PTPRG: variants seen among roughly 807,000 people sequenced by gnomAD.
PTPRG encodes protein tyrosine phosphatase receptor type G.
A neutral mutation model predicts 165.3 loss-of-function variants in PTPRG; 102 were observed. That is an observed-to-expected ratio of 0.62 (90% CI 0.53 to 0.73). The LOEUF is 0.73. PTPRG is among the 30% of genes least tolerant of loss of function. The pLI is 0.00. For synonymous variants in PTPRG, 675 were observed against 669.5 expected, an observed-to-expected ratio of 1.01 and a Z score of -0.13; for missense variants, 1,866 against 1,861.4, an observed-to-expected ratio of 1.00 and a Z score of -0.05.
At chr3:62,072,340 T>TA (rs1268360554) in intron 4 of PTPRG, among the ~76,000 whole-genome samples, 19 of 152,222 alleles carry the variant, frequency 1.2e-4, no homozygotes, top group Non-Finnish European at 2.8e-4. Flanking sequence ...TTTGCCCCTG[T>TA]AAAATTCCAT....
chr3:61,753,502 C>A (rs985704629), intron 2 of PTPRG: 1 of 384,256 alleles, frequency 2.6e-6, no homozygotes. Context: ...AAGAGTAACA[C>A]ATGCTAGGCA....
At chr3:62,187,033 T>C (rs1053277038) in intron 8 of PTPRG, among the ~76,000 whole-genome samples, 4 of 152,212 alleles carry the variant, frequency 2.6e-5, no homozygotes, top group Non-Finnish European at 2.9e-5. Context: ...CAACCAACTT[T>C]CTGTTCATTC....
intron 1 of PTPRG, among the ~76,000 whole-genome samples, chr3:61,569,373 C>A (rs1308839216): frequency 6.6e-6 from 1 of 152,110 alleles, no homozygotes; most frequent in African/African-American, 2.4e-5. Context: ...GTGATAGAAG[C>A]CTAACTCCTA....
intron 2 of PTPRG, among the ~76,000 whole-genome samples, chr3:61,894,218 C>T (rs1387412494): frequency 7.3e-6 from 1 of 136,580 alleles, no homozygotes; most frequent in African/African-American, 2.7e-5. Context: ...GAAAGAATTG[C>T]TTGAACCTGG....
intron 1 of PTPRG, among the ~76,000 whole-genome samples, chr3:61,661,198 G>A (rs999005608): frequency 1.3e-5 from 2 of 151,746 alleles, no homozygotes; most frequent in Non-Finnish European, 2.9e-5. Flanking sequence ...TCAGCCTCCC[G>A]AGTAGCTAGG....
At chr3:61,849,760 T>TA (rs1282790492) in intron 2 of PTPRG, among the ~76,000 whole-genome samples, 9 of 152,212 alleles carry the variant, frequency 5.9e-5, no homozygotes, top group Admixed American at 3.3e-4. Context: ...ATCCTGCGTA[T>TA]ACCCATAGCA....
rs527852626 is a variant in PTPRG, at chr3:61,573,584, C to T, written c.85+11212C>T. Among the ~76,000 whole-genome samples, 27 of 152,296 alleles carry T rather than the reference C, an allele frequency of 1.8e-4. No individual in the cohort carries two copies. In the South Asian group the frequency reaches 5.6e-3, roughly 32 times the overall value. ...GTCACCGTGATACGCAATACATTTA[C>T]ATGAATTCCCCACATGTGATTCAGA... On this transcript the variant is annotated intron_variant, in intron 1 of 29. Transcript: ENST00000474889.
At chr3:62,196,771 G>C (rs1478078282) in intron 10 of PTPRG, among the ~76,000 whole-genome samples, 1 of 152,150 alleles carries the variant, frequency 6.6e-6, no homozygotes, top group African/African-American at 2.4e-5. Context: ...AGGTTAACCA[G>C]GCCAGTGGTG....
intron 1 of PTPRG, among the ~76,000 whole-genome samples, chr3:61,644,810 G>A (rs554559910): frequency 2.7e-4 from 41 of 152,290 alleles, no homozygotes; most frequent in African/African-American, 9.6e-4. Context: ...CTAGTTGCTT[G>A]TAAGCTTTAG....
intron 2 of PTPRG, among the ~76,000 whole-genome samples, chr3:61,760,348 G>A (rs1326064596): frequency 1.3e-5 from 2 of 152,010 alleles, no homozygotes; most frequent in Non-Finnish European, 2.9e-5. Flanking sequence ...TAAATACTTG[G>A]CCCAATCCCT....
intron 2 of PTPRG, among the ~76,000 whole-genome samples, chr3:61,762,739 G>T (rs1416386589): frequency 1.3e-5 from 2 of 152,116 alleles, no homozygotes; most frequent in Non-Finnish European, 2.9e-5. Flanking sequence ...TTAGCCTCTA[G>T]AAAAGACCCC....
chr3:61,692,162 G>A (rs72878417), intron 1 of PTPRG, among the ~76,000 whole-genome samples: 1 of 152,236 alleles, frequency 6.6e-6, no homozygotes, highest in East Asian at 1.9e-4. Flanking sequence ...TGTGGTGTTA[G>A]TTAATGGTTT....
chr3:62,002,668 T>C (rs962120344), intron 3 of PTPRG, among the ~76,000 whole-genome samples: 8 of 152,174 alleles, frequency 5.3e-5, no homozygotes, highest in Admixed American at 4.6e-4. Flanking sequence ...ATTCTTTGGA[T>C]GGGTTAAGGG....
chr3:62,035,007 C>T (rs758839246), intron 4 of PTPRG, among the ~76,000 whole-genome samples: 3 of 152,222 alleles, frequency 2.0e-5, no homozygotes, highest in Non-Finnish European at 2.9e-5. Flanking sequence ...CGTTCCAAGG[C>T]GGGACAGGAG....
At chr3:61,727,009 T>C (rs1010866250) in intron 1 of PTPRG, among the ~76,000 whole-genome samples, 1 of 148,998 alleles carries the variant, frequency 6.7e-6, no homozygotes, top group East Asian at 2.0e-4. Context: ...ATTGTGCCAC[T>C]GCAGTCCAGC....
intron 1 of PTPRG, among the ~76,000 whole-genome samples, chr3:61,633,331 G>A (rs1413569848): frequency 2.0e-5 from 3 of 151,892 alleles, no homozygotes; most frequent in Non-Finnish European, 1.5e-5. Context: ...TCAAATAAAG[G>A]AACCTGTAGT....
rs56836873 is a variant in PTPRG at position 61,832,308 on chromosome 3, A to G, written c.190+83326A>G. On this transcript the variant is annotated intron_variant, in intron 2 of 29. Transcript: ENST00000474889. The stretch of plus-strand genomic sequence containing the variant: ...GAATTTGGTGCCTAAAATAATAACT[A>G]TCTCTTTTTAAAAACATTATTATAT... 0.016 allele frequency among the ~76,000 whole-genome samples: 2,510 copies of G among 152,308 alleles called. 207 individuals are homozygous for G. The East Asian group carries it at 0.24, about 14-fold the overall frequency.
chr3:61,993,101 G>C (rs1053440843), intron 3 of PTPRG, among the ~76,000 whole-genome samples: 5 of 151,622 alleles, frequency 3.3e-5, no homozygotes, highest in Non-Finnish European at 7.4e-5. Flanking sequence ...GGCTAAATTA[G>C]GGTGGGGTTG....
chr3:62,058,486 G>A (rs1466526092), intron 4 of PTPRG, among the ~76,000 whole-genome samples: 1 of 152,106 alleles, frequency 6.6e-6, no homozygotes, highest in Non-Finnish European at 1.5e-5. Flanking sequence ...TTTTAAGTGC[G>A]TCAGTCCTTT....
Sources: gnomAD v4.1 joint callset for allele counts (sites outside exome capture counted in the v4.1 genomes callset) on GRCh38, gnomAD v4.1.1 for gene constraint, MANE v1.5 for transcripts, NCBI Gene and HGNC (gene_info 2026-07-23, HGNC 2026-07-21) for gene names.